PSG6: variants seen among roughly 807,000 people sequenced by gnomAD.
PSG6 encodes pregnancy-specific beta-1-glycoprotein 6.
In PSG6, 51 loss-of-function variants were observed where a neutral mutation model predicts 43.3. The ratio of observed to expected loss-of-function variants is 1.18; its 90% CI spans 0.94 to 1.49. The LOEUF is 1.49. Ranked by LOEUF, PSG6 falls within the 40% of genes most tolerant of loss-of-function variation. PSG6 has a pLI of 0.00. For synonymous variants in PSG6, 292 were observed against 197.6 expected, an observed-to-expected ratio of 1.48 and a Z score of -4.01; for missense variants, 770 against 522.2, an observed-to-expected ratio of 1.47 and a Z score of -4.62.
chr19:42,914,509 G>C (rs1407894520), intron 2 of PSG6, among the ~76,000 whole-genome samples: 6 of 143,232 alleles, frequency 4.2e-5, no homozygotes, highest in African/African-American at 1.6e-4. Flanking sequence ...CAGGGACCAG[G>C]TGCCCCCAGC....
chr19:42,911,625 A>C (rs1972228571), intron 2 of PSG6, among the ~76,000 whole-genome samples: 1 of 151,762 alleles, frequency 6.6e-6, no homozygotes, highest in Non-Finnish European at 1.5e-5. Context: ...AGGGCAGTTG[A>C]GGACCATATG....
At position 42,916,297 on chromosome 19, in the gene PSG6, G is replaced by T. The variant is rs73934315; in HGVS notation, c.255C>A (p.His85Gln). The change falls in exon 2 of 6, where the codon CAC becomes CAA. Residue 85 changes from histidine to glutamine, a missense_variant. His to Gln is a conservative substitution (Grantham distance 24). Coordinates refer to ENST00000187910, the MANE Select transcript of PSG6 (RefSeq NM_001031850.4). ...LYHYITSYVV[H>Q]GQIIYGPAYS... Reference sequence around the variant, plus strand: ...AGGCAGGCCCATATATAATTTGACCGTGTACTACATATGATGTAATGTAAT... The same window carrying T: ...AGGCAGGCCCATATATAATTTGACCTTGTACTACATATGATGTAATGTAAT... The T allele has an allele frequency of 1.1e-5, 17 of 1,612,004 alleles. 1 individual carries two copies. In the East Asian group the frequency reaches 3.6e-4, roughly 34 times the overall value.
chr19:42,906,573 C>A (rs1187029223), intron 5 of PSG6: 6 of 1,323,240 alleles, frequency 4.5e-6, no homozygotes, highest in African/African-American at 1.5e-5. Flanking sequence ...TACAAGAAAA[C>A]AAAGACATGG....
chr19:42,906,624 C>T (rs1273689770), intron 5 of PSG6: 1 of 1,371,112 alleles, frequency 7.3e-7, no homozygotes, highest in Admixed American at 2.9e-5. Flanking sequence ...GCAACTTGAT[C>T]TTGAGGACTC....
chr19:42,915,987 G>T, intron 2 of PSG6, 138 bp downstream of exon 2: 1 of 1,433,510 alleles, frequency 7.0e-7, no homozygotes, highest in Non-Finnish European at 9.6e-7. Flanking sequence ...TGTGTGTCCT[G>T]CACTAAATGC....
At position 42,907,053 on chromosome 19, in the gene PSG6, T is replaced by A. The variant is rs759439010; in HGVS notation, c.1109A>T (p.Lys370Met). Residue 370 changes from lysine (K) to methionine (M), a missense_variant, in exon 5 of 6, where the codon AAG becomes ATG. Lys to Met is a moderately conservative substitution (Grantham distance 95). Transcript: ENST00000187910. ...PAEYSWTING[K>M]FQLSGQKLFI... ...GAGCTTTTGTCCTGATAGCTGAAACTTCCCATTAATTGTCCAAGAATACTC... is the reference window on the plus strand; with the variant it reads ...GAGCTTTTGTCCTGATAGCTGAAACATCCCATTAATTGTCCAAGAATACTC... 1 of 1,612,660 alleles carries A rather than the reference T, an allele frequency of 6.2e-7. No individual in the cohort carries two copies. Among genetic ancestry groups the A allele is most frequent in the South Asian group, 1.1e-5 (1 of 90,848 alleles).
chr19:42,905,071 G>T (rs1403489825), intron 5 of PSG6, among the ~76,000 whole-genome samples: 1 of 151,630 alleles, frequency 6.6e-6, no homozygotes, highest in Non-Finnish European at 1.5e-5. Context: ...GGGAAAGGTG[G>T]ATATCCAAGG....
intron 5 of PSG6, among the ~76,000 whole-genome samples, chr19:42,906,288 C>T (rs1196900038): frequency 6.6e-6 from 1 of 151,508 alleles, no homozygotes; most frequent in African/African-American, 2.4e-5. Context: ...CTTCTTATTT[C>T]CCTGCAGCCT....
At chr19:42,916,824 T>A (rs1317206187) in intron 1 of PSG6, among the ~76,000 whole-genome samples, 1 of 151,344 alleles carries the variant, frequency 6.6e-6, no homozygotes, top group East Asian at 2.0e-4. Flanking sequence ...TCCTTAGACT[T>A]CTTTCCTGAT....
At chr19:42,904,107 G>A (rs918771637) in intron 5 of PSG6, among the ~76,000 whole-genome samples, 10 of 151,530 alleles carry the variant, frequency 6.6e-5, no homozygotes, top group African/African-American at 2.4e-4. Flanking sequence ...ATGAAATTCA[G>A]TATTTTTTCA....
At chr19:42,914,017 C>T (rs991669016) in intron 2 of PSG6, among the ~76,000 whole-genome samples, 3 of 151,628 alleles carry the variant, frequency 2.0e-5, no homozygotes, top group African/African-American at 7.3e-5. Context: ...CTGCAAACCA[C>T]CATTTCAATA....
rs1457970019 is a variant in PSG6 at position 42,903,697 on chromosome 19, T to G, written c.1241-1251A>C. On this transcript the variant is annotated intron_variant, in intron 5 of 5. Coordinates refer to ENST00000187910, the MANE Select transcript of PSG6 (RefSeq NM_001031850.4). ...TTGAAACCAGGTGTTTGGACCAGCA[T>G]AGGTAACCTGGGGAGATGCTGTCTC... 38 of 1,523,504 alleles carry G rather than the reference T, an allele frequency of 2.5e-5. 1 individual carries two copies. Among genetic ancestry groups the G allele is most frequent in the Non-Finnish European group, 3.2e-5 (36 of 1,134,808 alleles). 94.4% of individuals were successfully genotyped at this position (1,523,504 alleles called of 1,614,324 possible).
intron 2 of PSG6, 164 bp downstream of exon 2, chr19:42,915,961 A>T (rs1252556880): frequency 1.7e-6 from 2 of 1,171,738 alleles, no homozygotes; most frequent in African/African-American, 3.4e-5. Context: ...TGATCTGTTG[A>T]AATGTGTCTC....
chr19:42,916,401 C>T lies in PSG6; in HGVS notation c.151G>A (p.Val51Ile). 1 of 1,612,132 alleles carries T rather than the reference C, an allele frequency of 6.2e-7. No homozygotes were observed. Among genetic ancestry groups the T allele is most frequent in the South Asian group, 1.1e-5 (1 of 90,614 alleles). ...KPPKVSEGKD[V>I]LLLVHNLPQN... ...GGCAAATTGTGGACAAGTAGAAGAACATCCTTCCCCTCGGAAACTTTGGGT... is the reference window on the plus strand; with the variant it reads ...GGCAAATTGTGGACAAGTAGAAGAATATCCTTCCCCTCGGAAACTTTGGGT... Residue 51 changes from valine (V) to isoleucine (I), a missense_variant, in exon 2 of 6, where the codon GTT becomes ATT. Coordinates refer to ENST00000187910, the MANE Select transcript of PSG6 (RefSeq NM_001031850.4).
chr19:42,916,186 G>A lies in PSG6; in HGVS notation c.366C>T (p.His122=), dbSNP rs775129555. Residue 122 remains histidine, a synonymous_variant, in exon 2 of 6, where the codon CAC becomes CAT. Transcript: ENST00000187910. Reference sequence around the variant, plus strand: ...CAGTCCCATCGCCTCGCTTTATGATGTGTAAGGTGTAGGATCCTGCATCCT... The same window carrying A: ...CAGTCCCATCGCCTCGCTTTATGATATGTAAGGTGTAGGATCCTGCATCCT... ...TQEDAGSYTL[H]IIKRGDGTGG... The A allele has an allele frequency of 1.2e-6, 2 of 1,612,188 alleles. No individual in the cohort carries two copies. Among genetic ancestry groups the A allele is most frequent in the Non-Finnish European group, 1.7e-6 (2 of 1,179,054 alleles).
intron 3 of PSG6, 99 bp from the exon 4 acceptor site, chr19:42,907,953 A>T (rs746881104): frequency 6.7e-7 from 1 of 1,501,248 alleles, no homozygotes; most frequent in African/African-American, 1.4e-5. Flanking sequence ...AACCCACATG[A>T]GTCCTTGAAA....
chr19:42,903,826 G>A lies in PSG6; in HGVS notation c.1241-1380C>T, dbSNP rs138828993. The A allele has an allele frequency of 1.7e-3, 2,305 of 1,382,214 alleles. 67 individuals carry two copies. The African/African-American group carries it at 0.03, about 18-fold the overall frequency. 85.6% of individuals were successfully genotyped at this position (1,382,214 alleles called of 1,614,324 possible). On this transcript the variant is annotated intron_variant, in intron 5 of 5. Coordinates refer to ENST00000187910, the MANE Select transcript of PSG6 (RefSeq NM_001031850.4). ...GAGAATTGCTTGAGCCCAGGAGGTT[G>A]AGGCTGCAGTGAGCCATAATCACAC...
intron 3 of PSG6, chr19:42,910,245 C>G: frequency 4.0e-6 from 2 of 501,940 alleles, no homozygotes. Flanking sequence ...GTGGAAGGGA[C>G]ACAGTCACAG....
intron 5 of PSG6, among the ~76,000 whole-genome samples, chr19:42,906,044 A>T (rs1260426554): frequency 6.6e-6 from 1 of 151,636 alleles, no homozygotes; most frequent in Non-Finnish European, 1.5e-5. Context: ...TGGTAAGTCT[A>T]ATATTAGATA....
Sources: allele counts gnomAD v4.1 joint callset (sites outside exome capture counted in the v4.1 genomes callset), GRCh38; gene constraint gnomAD v4.1.1; transcripts MANE v1.5; gene names NCBI Gene and HGNC (gene_info 2026-07-23, HGNC 2026-07-21).